Variants in GABRR3 observed in about 807,000 individuals in gnomAD.
GABRR3 encodes gamma-aminobutyric acid receptor subunit rho-3.
Under a neutral mutation model 43.2 loss-of-function variants are expected in GABRR3, and 29 were observed. The ratio of observed to expected loss-of-function variants is 0.67; its 90% CI spans 0.50 to 0.92. The LOEUF (loss-of-function observed/expected upper bound fraction) is 0.92, where lower values mean the gene tolerates loss of function less well. GABRR3 is among the 40% of genes least tolerant of loss of function. The pLI is 0.00. For missense variants in GABRR3, 576 were observed against 572.3 expected (o/e 1.01, Z -0.07); for synonymous variants, 206 against 195.9 (o/e 1.05, Z -0.43).
At position 97,992,848 on chromosome 3, in the gene GABRR3, G is replaced by A; in HGVS notation, c.1104+4C>T. On this transcript the variant is annotated splice_donor_region_variant and intron_variant, in intron 9 of 9. Transcript: ENST00000621172. Reference sequence around the variant, plus strand: ...GGGATCTGATAGTCAGAGCAAGGCTGTACCTTTCCTGTCTTCTTGAATTGT... The same window carrying A: ...GGGATCTGATAGTCAGAGCAAGGCTATACCTTTCCTGTCTTCTTGAATTGT... The A allele has an allele frequency of 6.2e-7, 1 of 1,601,554 alleles. No homozygotes were observed. Among genetic ancestry groups the A allele is most frequent in the Non-Finnish European group, 8.5e-7 (1 of 1,173,500 alleles).
intron 4 of GABRR3, among the ~76,000 whole-genome samples, chr3:98,012,870 T>C (rs1706820091): frequency 6.6e-6 from 1 of 152,228 alleles, no homozygotes; most frequent in African/African-American, 2.4e-5. Flanking sequence ...GTAAATAACC[T>C]AAAGAGATTT....
At chr3:97,986,943 C>G (rs1191172932) in exon 10 of GABRR3, 2 of 1,610,670 alleles carry the variant, frequency 1.2e-6, no homozygotes, top group African/African-American at 2.7e-5. Flanking sequence ...CCATCAAAGG[C>G]CATAGCTTGA....
intron 4 of GABRR3, among the ~76,000 whole-genome samples, chr3:98,013,240 G>T (rs1706830761): frequency 6.6e-6 from 1 of 152,196 alleles, no homozygotes; most frequent in South Asian, 2.1e-4. Flanking sequence ...CAGAGATTCT[G>T]ATTCAGTATG....
chr3:98,023,268 T>A (rs1706974144), intron 3 of GABRR3, among the ~76,000 whole-genome samples: 1 of 152,164 alleles, frequency 6.6e-6, no homozygotes, highest in Non-Finnish European at 1.5e-5. Flanking sequence ...ATAATCTCCA[T>A]AAAAACCCTT....
chr3:97,990,259 C>T (rs1706446208), intron 9 of GABRR3, among the ~76,000 whole-genome samples: 1 of 152,180 alleles, frequency 6.6e-6, no homozygotes, highest in South Asian at 2.1e-4. Flanking sequence ...GAAATGACAC[C>T]ACTGTGGAAA....
At chr3:98,006,319 G>A (rs1442044573) in intron 7 of GABRR3, among the ~76,000 whole-genome samples, 1 of 152,088 alleles carries the variant, frequency 6.6e-6, no homozygotes, top group African/African-American at 2.4e-5. Flanking sequence ...ATAAATATGT[G>A]CTACTTACAT....
At chr3:97,990,505 G>A (rs1706451163) in intron 9 of GABRR3, among the ~76,000 whole-genome samples, 1 of 151,894 alleles carries the variant, frequency 6.6e-6, no homozygotes, top group East Asian at 1.9e-4. Context: ...CCCACCACAC[G>A]CCCGGCTAAT....
chr3:98,035,097 T>G, intron 1 of GABRR3, 93 bp downstream of exon 1: 1 of 1,308,332 alleles, frequency 7.6e-7, no homozygotes, highest in Non-Finnish European at 1.0e-6. Context: ...TCAGGGGAAA[T>G]GCATTAGGGG....
chr3:97,987,544 T>C (rs1706403805), intron 9 of GABRR3, among the ~76,000 whole-genome samples: 1 of 152,162 alleles, frequency 6.6e-6, no homozygotes, highest in South Asian at 2.1e-4. Flanking sequence ...AATTCAAAAA[T>C]GAACAAATAG....
At chr3:98,024,309 A>G (rs1260482113) in intron 3 of GABRR3, among the ~76,000 whole-genome samples, 1 of 145,340 alleles carries the variant, frequency 6.9e-6, no homozygotes, top group Non-Finnish European at 1.5e-5. Context: ...CAGTGAGCCG[A>G]GATCGCGCCA....
At chr3:98,006,751 C>G (rs916829561) in intron 7 of GABRR3, among the ~76,000 whole-genome samples, 1 of 152,054 alleles carries the variant, frequency 6.6e-6, no homozygotes, top group Non-Finnish European at 1.5e-5. Flanking sequence ...ATATTAATAT[C>G]CAGAAGGGGA....
At chr3:98,026,420 G>A (rs1451006279) in intron 2 of GABRR3, among the ~76,000 whole-genome samples, 1 of 152,070 alleles carries the variant, frequency 6.6e-6, no homozygotes, top group African/African-American at 2.4e-5. Flanking sequence ...TCCCTGTGTC[G>A]GTGAGCTTGA....
At chr3:97,987,261 C>T (rs1030935522) in intron 9 of GABRR3, among the ~76,000 whole-genome samples, 1 of 152,150 alleles carries the variant, frequency 6.6e-6, no homozygotes, top group Non-Finnish European at 1.5e-5. Flanking sequence ...CATTGAAATG[C>T]AAATTAGCCA....
chr3:98,007,344 C>T (rs962265776), intron 7 of GABRR3, among the ~76,000 whole-genome samples: 4 of 152,022 alleles, frequency 2.6e-5, no homozygotes, highest in Non-Finnish European at 4.4e-5. Flanking sequence ...CAAGCAAAAA[C>T]GCCAGTGTCG....
chr3:98,017,807 G>C (rs2107243235), intron 3 of GABRR3, 85 bp from the exon 4 acceptor site: 1 of 911,406 alleles, frequency 1.1e-6, no homozygotes, highest in East Asian at 2.8e-5. Flanking sequence ...TAATTCTCTT[G>C]GACAGCAACT....
At chr3:98,012,526 G>A (rs368459164) in exon 5 of GABRR3, 55 of 1,613,858 alleles carry the variant, frequency 3.4e-5, no homozygotes, top group African/African-American at 3.1e-4. Context: ...AGAGCCTCTC[G>A]TCTTTCCAGT....
intron 8 of GABRR3, among the ~76,000 whole-genome samples, chr3:97,996,467 C>T (rs972781547): frequency 6.6e-6 from 1 of 152,134 alleles, no homozygotes; most frequent in African/African-American, 2.4e-5. Context: ...TATGACATAT[C>T]CTCTGTTAGG....
At chr3:98,003,220 A>G (rs1244173495) in intron 7 of GABRR3, among the ~76,000 whole-genome samples, 1 of 152,152 alleles carries the variant, frequency 6.6e-6, no homozygotes, top group Non-Finnish European at 1.5e-5. Flanking sequence ...TGATGGCTGT[A>G]GAGTACAATA....
intron 2 of GABRR3, 114 bp downstream of exon 2, chr3:98,034,749 G>T: frequency 7.9e-7 from 1 of 1,272,044 alleles, no homozygotes; most frequent in Non-Finnish European, 1.1e-6. Flanking sequence ...AGACAGACAT[G>T]GTTACAAAGA....
Sources: allele counts gnomAD v4.1 joint callset (sites outside exome capture counted in the v4.1 genomes callset), GRCh38; gene constraint gnomAD v4.1.1; transcripts MANE v1.5; gene names NCBI Gene and HGNC (gene_info 2026-07-23, HGNC 2026-07-21).